Variants in PCDHGA10 observed in about 807,000 individuals in gnomAD.
PCDHGA10 encodes protocadherin gamma subfamily A, 10.
PCDHGA10 carries 42 observed loss-of-function variants against 59.5 expected under a neutral mutation model. That is an observed-to-expected ratio of 0.71 (90% confidence interval 0.55 to 0.91). The LOEUF is 0.91. Among genes scored for constraint, PCDHGA10 ranks in the 40% least tolerant of loss-of-function variants. The pLI is 0.00. For synonymous variants in PCDHGA10, 511 were observed against 517.2 expected (o/e 0.99, Z 0.16); for missense variants, 1,111 against 1,198.2 (o/e 0.93, Z 1.07).
rs770468191 is a variant in PCDHGA10, at chr5:141,478,296, A to G, written c.2437-16511A>G. On this transcript the variant is annotated intron_variant, in intron 1 of 3. Coordinates refer to ENST00000398610, the MANE Select transcript of PCDHGA10 (RefSeq NM_018913.3). ...AAGTGGAAGCAGTCTAGAGACCTAT[A>G]CCGAGCCCCGGTGAGCTCACTGTAC... is the stretch of plus-strand genomic sequence containing the variant. The G allele has an allele frequency of 9.3e-6, 15 of 1,613,962 alleles. No individual in the cohort carries two copies. Among genetic ancestry groups the G allele is most frequent in the African/African-American group, 6.7e-5 (5 of 74,930 alleles).
At chr5:141,506,247 G>A (rs113270457) in intron 3 of PCDHGA10, among the ~76,000 whole-genome samples, 8,033 of 152,078 alleles carry the variant, frequency 0.053, 470 homozygotes, top group African/African-American at 0.14. Flanking sequence ...TCAGGAGTTC[G>A]AAACCGGCCT....
intron 1 of PCDHGA10, among the ~76,000 whole-genome samples, chr5:141,464,442 G>A (rs890758574): frequency 3.3e-5 from 5 of 151,500 alleles, no homozygotes; most frequent in African/African-American, 1.2e-4. Flanking sequence ...TATGTTTGTT[G>A]TTGTTGTTGT....
chr5:141,454,575 T>G (rs1430018751), intron 1 of PCDHGA10, among the ~76,000 whole-genome samples: 1 of 151,400 alleles, frequency 6.6e-6, no homozygotes, highest in African/African-American at 2.4e-5. Context: ...CCCGGCTAAT[T>G]TTGTATTTTT....
chr5:141,419,824 AGCCACTGCCACGCT>A, intron 1 of PCDHGA10: 1 of 1,614,038 alleles, frequency 6.2e-7, no homozygotes, highest in South Asian at 1.1e-5. Context: ...CACCCCTTTC[AGCCACTGCCACGCT>A]GCACCTGGTG....
At chr5:141,433,926 A>T (rs2154556019) in intron 1 of PCDHGA10, among the ~76,000 whole-genome samples, 1 of 151,830 alleles carries the variant, frequency 6.6e-6, no homozygotes, top group African/African-American at 2.4e-5. Context: ...CCAAATGAAG[A>T]TTTTATAATT....
rs770828917 is a variant in PCDHGA10 at position 141,431,306 on chromosome 5, C to G, written c.2436+15695C>G. ...GAACACTCACTTCTCCCTCATCGTG[C>G]AAAATGGAGCCGACGGTAGTAAGTA... On this transcript the variant is annotated intron_variant, in intron 1 of 3. Transcript: ENST00000398610. The surrounding 1 kb of genome is among the most constrained non-coding windows in gnomAD (Gnocchi z 4.8). 6.2e-7 allele frequency: 1 copy of G among 1,614,124 alleles called. No homozygotes were observed. The highest frequency in any genetic ancestry group is 2.2e-5 in the East Asian group (1 of 44,878).
At chr5:141,419,472 G>T in intron 1 of PCDHGA10, 1 of 1,612,328 alleles carries the variant, frequency 6.2e-7, no homozygotes, top group South Asian at 1.1e-5. Flanking sequence ...CGCGACCAGG[G>T]CTCGCCCGCG....
chr5:141,476,062 A>G lies in PCDHGA10; in HGVS notation c.2437-18745A>G, dbSNP rs2099384587. On this transcript the variant is annotated intron_variant, in intron 1 of 3. Coordinates refer to ENST00000398610, the MANE Select transcript of PCDHGA10 (RefSeq NM_018913.3). This position sits in a 1 kb window ranked among gnomAD's most constrained non-coding sequence, Gnocchi z 7.6. ...AGCGCTAACCCGCTGAAAGTTTCTC[A>G]GCGAAATCTCAGGGACGATCTGGAC... The G allele has an allele frequency of 1.8e-5, 27 of 1,509,766 alleles. No individual in the cohort carries two copies. Among genetic ancestry groups the G allele is most frequent in the Non-Finnish European group, 2.3e-5 (26 of 1,136,920 alleles). The allele number at this position is 1,509,766 out of a possible 1,614,324, so 93.5% of individuals were successfully genotyped here.
intron 1 of PCDHGA10, chr5:141,424,567 A>T (rs1034112526): frequency 3.3e-5 from 5 of 152,176 alleles, no homozygotes; most frequent in African/African-American, 7.2e-5. Flanking sequence ...CTTCTCAAAA[A>T]CCTATTTTCA....
chr5:141,415,063 G>A lies in PCDHGA10; in HGVS notation c.1888G>A (p.Val630Met), dbSNP rs569362520. 3 of 1,613,432 alleles carry A rather than the reference G, an allele frequency of 1.9e-6. No individual in the cohort carries two copies. The highest frequency in any genetic ancestry group is 1.7e-5 in the Admixed American group (1 of 60,008). ...CGCGGTGGGGGAGCACACGGGCGAG[G>A]TGCGCACGGCGCGAGCCCTGCTGGA... ...LFAVGEHTGE[V>M]RTARALLDRD... Residue 630 changes from valine (V) to methionine (M), a missense_variant, in exon 1 of 4, where the codon GTG (valine) becomes ATG (methionine). By Grantham distance (21) the Val-to-Met change is conservative. Coordinates refer to ENST00000398610, the MANE Select transcript of PCDHGA10 (RefSeq NM_018913.3).
chr5:141,431,333 C>T lies in PCDHGA10; in HGVS notation c.2436+15722C>T. 1 of 1,614,058 alleles carries T rather than the reference C, an allele frequency of 6.2e-7. No individual in the cohort carries two copies. Among genetic ancestry groups the T allele is most frequent in the Non-Finnish European group, 8.5e-7 (1 of 1,180,030 alleles). On this transcript the variant is annotated intron_variant, in intron 1 of 3. Coordinates refer to ENST00000398610, the MANE Select transcript of PCDHGA10 (RefSeq NM_018913.3). The surrounding 1 kb of genome is among the most constrained non-coding windows in gnomAD (Gnocchi z 4.8). ...AAATGGAGCCGACGGTAGTAAGTAC[C>T]CCGAATTGGTGCTGAAACGCGCCCT...
At chr5:141,434,497 G>A (rs986672351) in intron 1 of PCDHGA10, among the ~76,000 whole-genome samples, 2 of 152,214 alleles carry the variant, frequency 1.3e-5, no homozygotes, top group African/African-American at 4.8e-5. Context: ...CCCGCCCAGG[G>A]CAGAAAACTG....
chr5:141,417,896 C>G, intron 1 of PCDHGA10: 1 of 1,576,868 alleles, frequency 6.3e-7, no homozygotes, highest in Non-Finnish European at 8.6e-7. Flanking sequence ...CCGGGCCGGC[C>G]CGCGGCAGGT....
chr5:141,465,343 T>A (rs1221229916), intron 1 of PCDHGA10, among the ~76,000 whole-genome samples: 1 of 152,118 alleles, frequency 6.6e-6, no homozygotes, highest in Non-Finnish European at 1.5e-5. Flanking sequence ...TATTGGTTAC[T>A]GAAGAAAAAA....
chr5:141,477,857 C>T lies in PCDHGA10; in HGVS notation c.2437-16950C>T. ...AGGTGGGAGCTCGGTGGAGATGCTG[C>T]CTCGAGGTACCTCAGCTGGCCACCT... On this transcript the variant is annotated intron_variant, in intron 1 of 3. Transcript: ENST00000398610. The surrounding 1 kb of genome is among the most constrained non-coding windows in gnomAD (Gnocchi z 4.9). The T allele has an allele frequency of 6.2e-7, 1 of 1,613,574 alleles. No individual in the cohort carries two copies. The highest frequency in any genetic ancestry group is 8.5e-7 in the Non-Finnish European group (1 of 1,179,836).
chr5:141,455,738 A>G (rs896060095), intron 1 of PCDHGA10, among the ~76,000 whole-genome samples: 2 of 152,140 alleles, frequency 1.3e-5, no homozygotes, highest in Non-Finnish European at 2.9e-5. Flanking sequence ...TTGCATATCA[A>G]AGGTTGCTGG....
intron 1 of PCDHGA10, 137 bp downstream of exon 1, chr5:141,415,748 T>TTG (rs2095929710): frequency 9.9e-7 from 1 of 1,008,886 alleles, no homozygotes; most frequent in South Asian, 2.7e-5. Context: ...AGGTTTTTTT[T>TTG]TTTTTTTTTT....
At chr5:141,455,438 C>G (rs1350941007) in intron 1 of PCDHGA10, among the ~76,000 whole-genome samples, 1 of 152,082 alleles carries the variant, frequency 6.6e-6, no homozygotes, top group Non-Finnish European at 1.5e-5. Context: ...GAGGAGGTCC[C>G]CATCTACCGC....
rs775081505 is a variant in PCDHGA10 at position 141,486,730 on chromosome 5, T to C, written c.2437-8077T>C. ...ACCCCCAGACAGGAGCTGTTCATGC[T>C]ACTCGATCCTTTGACTATGAGCAAA... On this transcript the variant is annotated intron_variant, in intron 1 of 3. Coordinates refer to ENST00000398610, the MANE Select transcript of PCDHGA10 (RefSeq NM_018913.3). This position sits in a 1 kb window ranked among gnomAD's most constrained non-coding sequence, Gnocchi z 5.0. 1 of 1,614,120 alleles carries C rather than the reference T, an allele frequency of 6.2e-7. No homozygotes were observed. Among genetic ancestry groups the C allele is most frequent in the Non-Finnish European group, 8.5e-7 (1 of 1,180,050 alleles).
Sources: allele counts gnomAD v4.1 joint callset (sites outside exome capture counted in the v4.1 genomes callset), GRCh38; gene constraint gnomAD v4.1.1; non-coding constraint Gnocchi (gnomAD v3.1); transcripts MANE v1.5; gene names NCBI Gene and HGNC (gene_info 2026-07-23, HGNC 2026-07-21).